The following PCLO variants were observed in gnomAD, a reference collection of about 807,000 sequenced individuals.
PCLO encodes piccolo presynaptic cytomatrix protein, also known as protein piccolo.
PCLO carries 82 observed loss-of-function variants against 427.5 expected under a neutral mutation model. The ratio of observed to expected loss-of-function variants is 0.19; its 90% CI spans 0.16 to 0.23. The LOEUF is 0.23. PCLO is among the 10% of genes least tolerant of loss of function. The pLI is 1.00. For synonymous variants in PCLO, 2,357 were observed against 2,155.4 expected, an observed-to-expected ratio of 1.09 and a Z score of -2.59; for missense variants, 6,239 against 6,115.9, an observed-to-expected ratio of 1.02 and a Z score of -0.67.
At chr7:82,907,933 C>A (rs368145521) in intron 8 of PCLO, among the ~76,000 whole-genome samples, 5 of 151,910 alleles carry the variant, frequency 3.3e-5, no homozygotes, top group South Asian at 2.1e-4. Flanking sequence ...TTCTTTTATA[C>A]CTCAATATGA....
At chr7:83,020,519 GC>G (rs1442062405) in intron 3 of PCLO, among the ~76,000 whole-genome samples, 1 of 152,054 alleles carries the variant, frequency 6.6e-6, no homozygotes, top group African/African-American at 2.4e-5. Flanking sequence ...CCCACTTTCT[GC>G]CATGTGAGGG....
intron 3 of PCLO, among the ~76,000 whole-genome samples, chr7:83,018,616 T>C (rs933019360): frequency 6.6e-6 from 1 of 152,054 alleles, no homozygotes; most frequent in African/African-American, 2.4e-5. Context: ...TCCATTTCAA[T>C]TAGAGACATA....
intron 3 of PCLO, among the ~76,000 whole-genome samples, chr7:83,004,077 C>A (rs910226348): frequency 1.3e-5 from 2 of 151,638 alleles, no homozygotes; most frequent in African/African-American, 2.4e-5. Flanking sequence ...AAGCTCGCAC[C>A]TAACCACATT....
chr7:83,052,873 T>A (rs994114583), intron 3 of PCLO, among the ~76,000 whole-genome samples: 2 of 151,980 alleles, frequency 1.3e-5, no homozygotes, highest in East Asian at 1.9e-4. Flanking sequence ...GTATTAATCA[T>A]CTTAATCTAA....
intron 20 of PCLO, among the ~76,000 whole-genome samples, chr7:82,818,784 T>C (rs2522831): frequency 0.43 from 64,966 of 152,054 alleles, 15,473 homozygotes; most frequent in East Asian, 0.85. Context: ...TTGAAATAAC[T>C]ACCTCATCCA....
At chr7:82,811,378 T>G (rs1267524199) in intron 20 of PCLO, among the ~76,000 whole-genome samples, 1 of 151,532 alleles carries the variant, frequency 6.6e-6, no homozygotes, top group Non-Finnish European at 1.5e-5. Context: ...CCTTCTTCCC[T>G]CCTCCTGTCT....
intron 22 of PCLO, among the ~76,000 whole-genome samples, chr7:82,775,862 T>C (rs1191622779): frequency 1.3e-5 from 2 of 152,224 alleles, no homozygotes; most frequent in Non-Finnish European, 2.9e-5. Flanking sequence ...ATTCATTTTA[T>C]GTTAATTTTT....
At chr7:82,913,127 C>A (rs895359077) in intron 7 of PCLO, among the ~76,000 whole-genome samples, 1 of 151,752 alleles carries the variant, frequency 6.6e-6, no homozygotes, top group Admixed American at 6.6e-5. Context: ...AATAAAAAAC[C>A]CACAAATTGA....
Position 82,760,748 on chromosome 7 carries a change from G to A in PCLO, c.15179C>T (p.Thr5060Ile). 2 of 1,521,382 alleles carry A rather than the reference G, an allele frequency of 1.3e-6. No homozygotes were observed. The highest frequency in any genetic ancestry group is 1.1e-5 in the South Asian group (1 of 87,046). The allele number at this position is 1,521,382 out of a possible 1,614,324, so 94.2% of individuals were successfully genotyped here. ...TTTTTTCTTGATCACCTTTTTTTGG[G>A]TAGAAATATTCATCACATATATTTT... is the stretch of plus-strand genomic sequence containing the variant. ...YVKIYVMNIS[T>I]QKKVIKKKTR... The change falls in exon 24 of 25, where the codon ACC becomes ATC. Residue 5060 changes from threonine to isoleucine, a missense_variant. Physicochemically the swap from Thr to Ile is moderately conservative, Grantham distance 89. This residue lies in a region of PCLO where 877 missense variants were observed against 925.5 expected (regional missense o/e 0.95). Coordinates refer to ENST00000333891, the MANE Select transcript of PCLO (RefSeq NM_033026.6).
chr7:82,808,992 C>T (rs1014147307), intron 20 of PCLO, among the ~76,000 whole-genome samples: 4 of 151,770 alleles, frequency 2.6e-5, no homozygotes, highest in African/African-American at 9.7e-5. Flanking sequence ...TCTAAGAATC[C>T]GTATTTTAAT....
intron 6 of PCLO, among the ~76,000 whole-genome samples, chr7:82,943,789 T>C (rs936086103): frequency 6.6e-6 from 1 of 150,688 alleles, no homozygotes; most frequent in Non-Finnish European, 1.5e-5. Context: ...AAATACTAGA[T>C]GGAAATAAAT....
At chr7:83,027,001 C>G (rs1234265118) in intron 3 of PCLO, among the ~76,000 whole-genome samples, 3 of 107,340 alleles carry the variant, frequency 2.8e-5, no homozygotes, top group East Asian at 4.7e-4. Context: ...CAAGAGAAAG[C>G]AGGAAAGATC....
rs368310854 is a variant in PCLO at position 83,135,345 on chromosome 7, G to C, written c.2205C>G (p.Pro735=). The C allele has an allele frequency of 5.6e-6, 9 of 1,613,830 alleles. No homozygotes were observed. The highest frequency in any genetic ancestry group is 7.6e-6 in the Non-Finnish European group (9 of 1,179,906). Residue 735 remains proline, a synonymous_variant, in exon 3 of 25, where the codon CCC becomes CCG. Transcript: ENST00000333891. ...EADSLSKPAP[P]KEPSVPSEQD... ...GCTCAGATGGGACAGAAGGTTCTTT[G>C]GGAGGGGCTGGCTTGGACAAAGAAT... is the stretch of plus-strand genomic sequence containing the variant.
In PCLO at chr7:82,966,009, T is replaced by C. The variant is rs761419864; in HGVS notation, c.3779A>G (p.Gln1260Arg). ...TTGAGATTTAAGTAAGTCATGTTTC[T>C]GTTCTTCTGGGGCTGATGTTTTTGC... ...PEAKTSAPEEQKHDLLKSQVQ... is the reference protein window; with the variant it reads ...PEAKTSAPEERKHDLLKSQVQ... The change falls in exon 4 of 25, where the codon CAG (glutamine) becomes CGG (arginine). Residue 1260 changes from glutamine to arginine, a missense_variant. Around this residue, in one of 5 missense-constraint regions of PCLO, gnomAD observed 4,677 missense variants for 4,468.4 expected, o/e 1.05. Coordinates refer to ENST00000333891, the MANE Select transcript of PCLO (RefSeq NM_033026.6). 1.1e-5 allele frequency: 17 copies of C among 1,613,596 alleles called. No individual in the cohort carries two copies. The African/African-American group carries it at 1.2e-4, about 11-fold the overall frequency.
At chr7:83,120,188 A>C (rs1174266435) in intron 3 of PCLO, among the ~76,000 whole-genome samples, 1 of 151,782 alleles carries the variant, frequency 6.6e-6, no homozygotes, top group Admixed American at 6.6e-5. Flanking sequence ...GATCTCTTGA[A>C]GTCAGGAGTT....
At chr7:83,156,828 C>A (rs1282984706) in intron 1 of PCLO, among the ~76,000 whole-genome samples, 1 of 151,714 alleles carries the variant, frequency 6.6e-6, no homozygotes, top group African/African-American at 2.4e-5. Flanking sequence ...AAGTTATGGT[C>A]TTTTGATATA....
intron 8 of PCLO, among the ~76,000 whole-genome samples, chr7:82,904,966 T>C (rs1298034794): frequency 6.6e-6 from 1 of 152,062 alleles, no homozygotes; most frequent in Non-Finnish European, 1.5e-5. Flanking sequence ...CTGTCTTCCA[T>C]GTATGAATTA....
chr7:82,882,753 A>T (rs897348663), intron 9 of PCLO, among the ~76,000 whole-genome samples: 1 of 152,150 alleles, frequency 6.6e-6, no homozygotes, highest in Non-Finnish European at 1.5e-5. Context: ...TATGTACATT[A>T]TAAGTATTTG....
chr7:82,941,990 C>T (rs998383125), intron 6 of PCLO, among the ~76,000 whole-genome samples: 2 of 152,084 alleles, frequency 1.3e-5, no homozygotes, highest in East Asian at 3.9e-4. Flanking sequence ...ACTAGCCTGG[C>T]CAACATGGTG....
Sources: gnomAD v4.1 joint callset for allele counts (sites outside exome capture counted in the v4.1 genomes callset) on GRCh38, gnomAD v4.1.1 for gene constraint, gnomAD v4.1.1 regional missense constraint, MANE v1.5 for transcripts, NCBI Gene and HGNC (gene_info 2026-07-23, HGNC 2026-07-21) for gene names.